Variants in AP3B1 observed in about 807,000 individuals in gnomAD.
AP3B1 encodes the protein adaptor related protein complex 3 subunit beta 1.
A neutral mutation model predicts 132.5 loss-of-function variants in AP3B1; 61 were observed. The ratio of observed to expected loss-of-function variants is 0.46; its 90% CI spans 0.37 to 0.57. The LOEUF (loss-of-function observed/expected upper bound fraction) is 0.57, where lower values mean the gene tolerates loss of function less well. AP3B1 is among the 20% of genes least tolerant of loss of function. The pLI, the probability that AP3B1 is intolerant of heterozygous loss-of-function variation, is 0.00. For missense variants in AP3B1, 1,120 were observed against 1,289.4 expected, an observed-to-expected ratio of 0.87 and a Z score of 2.01; for synonymous variants, 388 against 438.3, an observed-to-expected ratio of 0.89 and a Z score of 1.43.
At chr5:78,184,699 A>AAAAAAAAAAAAAAAC (rs1491328377) in intron 7 of AP3B1, among the ~76,000 whole-genome samples, 1 of 151,810 alleles carries the variant, frequency 6.6e-6, no homozygotes, top group African/African-American at 2.4e-5. Context: ...AAAAAAAAAA[A>AAAAAAAAAAAAAAAC]CAGAGTCTCA....
chr5:78,058,454 C>G (rs186020776), intron 22 of AP3B1, among the ~76,000 whole-genome samples: 1 of 151,754 alleles, frequency 6.6e-6, no homozygotes, highest in African/African-American at 2.4e-5. Flanking sequence ...GAGCCGAGAC[C>G]GCGCCATTGC....
At chr5:78,114,699 A>G (rs1751749649) in intron 18 of AP3B1, among the ~76,000 whole-genome samples, 1 of 152,208 alleles carries the variant, frequency 6.6e-6, no homozygotes, top group African/African-American at 2.4e-5. Flanking sequence ...TGATCTATGT[A>G]ACGAAGCCCT....
At chr5:78,020,590 T>C (rs976209000) in intron 25 of AP3B1, 102 bp downstream of exon 25, 6 of 906,454 alleles carry the variant, frequency 6.6e-6, no homozygotes, top group African/African-American at 6.6e-5. Context: ...CTAATATCTG[T>C]TAATGGCTAT....
At chr5:78,204,420 GGTCA>G (rs1436958893) in intron 7 of AP3B1, among the ~76,000 whole-genome samples, 6 of 152,324 alleles carry the variant, frequency 3.9e-5, no homozygotes, top group African/African-American at 1.4e-4. Context: ...AGAGCTTGAA[GGTCA>G]GTCTGACATA....
chr5:78,027,486 G>A (rs1378110450), intron 24 of AP3B1, among the ~76,000 whole-genome samples: 1 of 151,752 alleles, frequency 6.6e-6, no homozygotes, highest in Non-Finnish European at 1.5e-5. Context: ...AATTATTATA[G>A]AGAAAGACTT....
At chr5:78,250,033 T>C (rs1041329471) in intron 2 of AP3B1, among the ~76,000 whole-genome samples, 1 of 152,180 alleles carries the variant, frequency 6.6e-6, no homozygotes, top group Non-Finnish European at 1.5e-5. Flanking sequence ...AGGGGTATGG[T>C]TCACATAAGA....
At chr5:78,029,286 T>G (rs1399110194) in intron 24 of AP3B1, among the ~76,000 whole-genome samples, 1 of 152,202 alleles carries the variant, frequency 6.6e-6, no homozygotes, top group Non-Finnish European at 1.5e-5. Context: ...AATTGTATTT[T>G]CTTGGAGGAT....
chr5:78,165,636 T>A lies in AP3B1; in HGVS notation c.1204A>T (p.Ile402Leu). The stretch of plus-strand genomic sequence containing the variant: ...TGAAATTCTCGAAGAAGAGTTGATA[T>A]GTTGGCTTCATTTGCCAAGTTTGTC... ...ILTNLANEAN[I>L]STLLREFQTY... Residue 402 changes from isoleucine (I) to leucine (L), a missense_variant, in exon 12 of 27, where the codon ATA (isoleucine) becomes TTA (leucine). By Grantham distance (5) the Ile-to-Leu change is conservative. Around this residue, in one of 3 missense-constraint regions of AP3B1, gnomAD observed 906 missense variants for 997.1 expected, o/e 0.91. Transcript: ENST00000255194. The A allele has an allele frequency of 6.2e-7, 1 of 1,609,898 alleles. No homozygotes were observed. The highest frequency in any genetic ancestry group is 8.5e-7 in the Non-Finnish European group (1 of 1,177,216).
chr5:78,065,150 C>T lies in AP3B1; in HGVS notation c.2577+24243G>A, dbSNP rs538964400. ...GAGGTGGTGAGTGATTGTACTATCC[C>T]GCCCAGGAAACCACGCCTTTTCCAT... On this transcript the variant is annotated intron_variant, in intron 22 of 26. Transcript: ENST00000255194. Among the ~76,000 whole-genome samples the T allele has an allele frequency of 3.3e-5, 5 of 152,262 alleles. No individual in the cohort carries two copies. In the East Asian group the frequency reaches 7.7e-4, roughly 24 times the overall value.
chr5:78,269,878 T>A (rs1188905217), intron 1 of AP3B1, among the ~76,000 whole-genome samples: 1 of 152,150 alleles, frequency 6.6e-6, no homozygotes, highest in South Asian at 2.1e-4. Context: ...TGTGCCTTTT[T>A]CATTTTATTT....
At chr5:78,080,623 ATTTTTTTTTT>A (rs66609184) in intron 22 of AP3B1, among the ~76,000 whole-genome samples, 168 of 103,534 alleles carry the variant, frequency 1.6e-3, no homozygotes, top group African/African-American at 4.8e-3. Context: ...TATGCCTCCA[ATTTTTTTTTT>A]TTTTTTTTTT....
intron 22 of AP3B1, among the ~76,000 whole-genome samples, chr5:78,039,713 G>A (rs1465457132): frequency 1.3e-5 from 2 of 149,924 alleles, no homozygotes; most frequent in African/African-American, 4.9e-5. Flanking sequence ...AGGAGGCGGA[G>A]CTTGCAGTGA....
At chr5:78,268,680 A>G (rs1748431023) in intron 1 of AP3B1, among the ~76,000 whole-genome samples, 1 of 152,200 alleles carries the variant, frequency 6.6e-6, no homozygotes, top group Non-Finnish European at 1.5e-5. Flanking sequence ...CCAAATTCCC[A>G]GAGTGCCCAG....
rs1370002549 is a variant in AP3B1 at position 78,275,436 on chromosome 5, T to C, written c.129-7841A>G. Among the ~76,000 whole-genome samples the C allele has an allele frequency of 7.2e-5, 11 of 152,296 alleles. No homozygotes were observed. In the East Asian group the frequency reaches 2.1e-3, roughly 29 times the overall value. On this transcript the variant is annotated intron_variant, in intron 1 of 26. Coordinates refer to ENST00000255194, the MANE Select transcript of AP3B1 (RefSeq NM_003664.5). ...CAGTTTCCATGTGTAAAGCAAATGCTGACAGACTCATGGAAGAAAAACACA... is the reference window on the plus strand; with the variant it reads ...CAGTTTCCATGTGTAAAGCAAATGCCGACAGACTCATGGAAGAAAAACACA...
intron 7 of AP3B1, among the ~76,000 whole-genome samples, chr5:78,213,055 A>G (rs919373429): frequency 3.3e-5 from 5 of 150,944 alleles, no homozygotes; most frequent in Admixed American, 1.3e-4. Context: ...TTTTTTTTGT[A>G]TTTTTAGTAG....
chr5:78,073,705 T>C (rs954681664), intron 22 of AP3B1, among the ~76,000 whole-genome samples: 1 of 152,164 alleles, frequency 6.6e-6, no homozygotes, highest in Admixed American at 6.5e-5. Context: ...TTAAAAATCA[T>C]CTTATTTCCT....
intron 24 of AP3B1, among the ~76,000 whole-genome samples, chr5:78,028,379 G>A (rs1010922106): frequency 2.6e-5 from 4 of 151,584 alleles, no homozygotes; most frequent in South Asian, 2.1e-4. Context: ...CAAGAGAATC[G>A]CTTGAACCAA....
At chr5:78,100,281 G>A (rs1487718332) in intron 21 of AP3B1, among the ~76,000 whole-genome samples, 1 of 152,136 alleles carries the variant, frequency 6.6e-6, no homozygotes, top group Non-Finnish European at 1.5e-5. Context: ...AATGATAGTA[G>A]TTTAATATTC....
intron 5 of AP3B1, 80 bp downstream of exon 5, chr5:78,227,292 C>A (rs1241098806): frequency 3.6e-6 from 5 of 1,393,852 alleles, no homozygotes; most frequent in Admixed American, 1.7e-5. Flanking sequence ...CCTAAAAGAG[C>A]GAATAAAACA....
Sources: gnomAD v4.1 joint callset for allele counts (sites outside exome capture counted in the v4.1 genomes callset) on GRCh38, gnomAD v4.1.1 for gene constraint, gnomAD v4.1.1 regional missense constraint, MANE v1.5 for transcripts, NCBI Gene and HGNC (gene_info 2026-07-23, HGNC 2026-07-21) for gene names.